NAPSA: variants seen among roughly 807,000 people sequenced by gnomAD.
NAPSA encodes napsin A aspartic peptidase.
A neutral mutation model predicts 36.7 loss-of-function variants in NAPSA; 37 were observed. That is an observed-to-expected ratio of 1.01 (90% CI 0.78 to 1.33). The LOEUF (loss-of-function observed/expected upper bound fraction) is 1.33. NAPSA is among the 40% of genes most tolerant of loss of function. The pLI is 0.00. For missense variants in NAPSA, 532 were observed against 543.8 expected (o/e 0.98, Z 0.21); for synonymous variants, 222 against 234.5 (o/e 0.95, Z 0.49).
In NAPSA at chr19:50,359,817, C is replaced by T. The variant is rs115708794; in HGVS notation, c.714G>A (p.Ser238=). The change falls in exon 6 of 9, where the codon TCG becomes TCA. Residue 238 remains serine (S), a synonymous_variant. Coordinates refer to ENST00000253719, the MANE Select transcript of NAPSA (RefSeq NM_004851.3). ...GGGGTGGGATGTAGTGTGCCGGGTC[C>T]GAGCCCCCCAGGACCAGCTCTCCTC... ...PDGGELVLGG[S]DPAHYIPPLT... The T allele has an allele frequency of 1.3e-3, 2,096 of 1,614,192 alleles. 23 individuals are homozygous for T. In the African/African-American group the frequency reaches 0.024, roughly 19 times the overall value.
chr19:50,359,722 G>A lies in NAPSA; in HGVS notation c.791+18C>T, dbSNP rs781730739. ...CCCCCAGCCTCCAGCTCCAGAGCCA[G>A]GAGACCAAGTCCCTCACCGCTCCAT... On this transcript the variant is annotated intron_variant, in intron 6 of 8. Coordinates refer to ENST00000253719, the MANE Select transcript of NAPSA (RefSeq NM_004851.3). The A allele has an allele frequency of 6.2e-7, 1 of 1,614,256 alleles. No individual in the cohort carries two copies. The highest frequency in any genetic ancestry group is 8.5e-7 in the Non-Finnish European group (1 of 1,180,056).
Position 50,359,106 on chromosome 19 carries a change from T to G in NAPSA, c.940A>C (p.Ile314Leu). The part of the protein sequence containing the change: ...GGIPLLAGEY[I>L]ILCSEIPKLP... ...TTTGGGATTTCCGAGCACAGGATGATGTACTGGGGGAGAAGAGGAACTAGT... is the reference window on the plus strand; with the variant it reads ...TTTGGGATTTCCGAGCACAGGATGAGGTACTGGGGGAGAAGAGGAACTAGT... Residue 314 changes from isoleucine to leucine, a missense_variant, in exon 8 of 9, where the codon ATC becomes CTC. Physicochemically the swap from Ile to Leu is conservative, Grantham distance 5. This residue lies in a region of NAPSA where 385 missense variants were observed against 371.5 expected (regional missense o/e 1.04). Coordinates refer to ENST00000253719, the MANE Select transcript of NAPSA (RefSeq NM_004851.3). 1 of 1,612,344 alleles carries G rather than the reference T, an allele frequency of 6.2e-7. No homozygotes were observed. The highest frequency in any genetic ancestry group is 8.5e-7 in the Non-Finnish European group (1 of 1,178,576).
chr19:50,368,861 A>G (rs11879501), upstream of NAPSA, among the ~76,000 whole-genome samples: 52,317 of 152,124 alleles, frequency 0.34, 9,232 homozygotes, highest in Admixed American at 0.41. Flanking sequence ...CCGCCCTAGC[A>G]GTTCCCACCG....
chr19:50,361,134 C>T lies in NAPSA; in HGVS notation c.475G>A (p.Gly159Arg), dbSNP rs1440994913. 1 of 1,612,936 alleles carries T rather than the reference C, an allele frequency of 6.2e-7. No individual in the cohort carries two copies. The highest frequency in any genetic ancestry group is 8.5e-7 in the Non-Finnish European group (1 of 1,179,308). ...ILSEDKLTIGGIKGASVIFGE... is the reference protein window; with the variant it reads ...ILSEDKLTIGRIKGASVIFGE... ...AAAATCACTGATGCACCCTTGATTCCACCAATCTAGGGGTAGATTGAGATG... is the reference window on the plus strand; with the variant it reads ...AAAATCACTGATGCACCCTTGATTCTACCAATCTAGGGGTAGATTGAGATG... The change falls in exon 5 of 9, where the codon GGA becomes AGA. Residue 159 changes from glycine to arginine, a missense_variant. This residue lies in a region of NAPSA where 385 missense variants were observed against 371.5 expected (regional missense o/e 1.04). Coordinates refer to ENST00000253719, the MANE Select transcript of NAPSA (RefSeq NM_004851.3).
At position 50,361,117 on chromosome 19, in the gene NAPSA, T is replaced by C. The variant is rs759684674; in HGVS notation, c.492A>G (p.Ser164=). The C allele has an allele frequency of 1.2e-6, 2 of 1,613,936 alleles. No individual in the cohort carries two copies. The highest frequency in any genetic ancestry group is 3.3e-5 in the Admixed American group (2 of 60,022). The change falls in exon 5 of 9, where the codon TCA becomes TCG. Residue 164 remains serine, a synonymous_variant. Transcript: ENST00000253719. ...KLTIGGIKGA[S]VIFGEALWEP... is the part of the protein sequence containing the mutation. ...CCCAGAGAGCCTCCCCGAAAATCAC[T>C]GATGCACCCTTGATTCCACCAATCT...
intron 1 of NAPSA, among the ~76,000 whole-genome samples, chr19:50,365,014 TAA>T (rs2037528168): frequency 8.3e-6 from 1 of 120,598 alleles, no homozygotes; most frequent in South Asian, 2.3e-4. Flanking sequence ...TAATAATAAA[TAA>T]TAATAATAAT....
At chr19:50,363,726 G>A (rs1159829263) in intron 1 of NAPSA, among the ~76,000 whole-genome samples, 2 of 151,942 alleles carry the variant, frequency 1.3e-5, no homozygotes, top group Non-Finnish European at 2.9e-5. Context: ...ACCACACTGA[G>A]CTAATTTTTG....
At chr19:50,367,578 C>G (rs953475664), upstream of NAPSA, among the ~76,000 whole-genome samples, 3 of 148,426 alleles carry the variant, frequency 2.0e-5, no homozygotes, top group South Asian at 6.5e-4. Flanking sequence ...CTCTCTCTCT[C>G]TCTGTCTCTG....
At chr19:50,365,252 T>C (rs1366375473) in intron 1 of NAPSA, among the ~76,000 whole-genome samples, 1 of 151,910 alleles carries the variant, frequency 6.6e-6, no homozygotes, top group Admixed American at 6.6e-5. Context: ...GAGAATCGCT[T>C]GAACCCAGGA....
chr19:50,360,997 A>C lies in NAPSA; in HGVS notation c.612T>G (p.Asp204Glu), dbSNP rs745476472. ...CCAATAGCCCCTGCTCCACCAGTACATCCATCGGGGGCCGAACTCCTTCCA... is the reference window on the plus strand; with the variant it reads ...CCAATAGCCCCTGCTCCACCAGTACCTCCATCGGGGGCCGAACTCCTTCCA... ...LSVEGVRPPM[D>E]VLVEQGLLDK... Residue 204 changes from aspartate (D) to glutamate (E), a missense_variant, in exon 5 of 9, where the codon GAT becomes GAG. Physicochemically the swap from Asp to Glu is conservative, Grantham distance 45 (BLOSUM62 2). This residue lies in a region of NAPSA where 385 missense variants were observed against 371.5 expected (regional missense o/e 1.04). Transcript: ENST00000253719. The C allele has an allele frequency of 9.3e-6, 15 of 1,614,154 alleles. No homozygotes were observed. Among genetic ancestry groups the C allele is most frequent in the Admixed American group, 1.7e-5 (1 of 60,016 alleles).
In NAPSA at chr19:50,358,632, C is replaced by G. The variant is rs368271566; in HGVS notation, c.1184G>C (p.Arg395Pro). ...AGTGCGAGCGCGCGCCAGGCCCACC[C>G]GGGCGCTGCTCTTCATGTCCCCGCG... ...FDRGDMKSSA[R>P]VGLARARTRG... Residue 395 changes from arginine (R) to proline (P), a missense_variant, in exon 9 of 9, where the codon CGG (arginine) becomes CCG (proline). By Grantham distance (103) the Arg-to-Pro change is moderately radical. Around this residue, in one of 3 missense-constraint regions of NAPSA, gnomAD observed 385 missense variants for 371.5 expected, o/e 1.04. Coordinates refer to ENST00000253719, the MANE Select transcript of NAPSA (RefSeq NM_004851.3). The G allele has an allele frequency of 6.2e-7, 1 of 1,612,808 alleles. No individual in the cohort carries two copies. The highest frequency in any genetic ancestry group is 8.5e-7 in the Non-Finnish European group (1 of 1,179,856).
chr19:50,363,375 T>C (rs2037502016), intron 1 of NAPSA, among the ~76,000 whole-genome samples: 1 of 151,936 alleles, frequency 6.6e-6, no homozygotes, highest in Admixed American at 6.6e-5. Context: ...TGGATTTCTT[T>C]TTCTTCTTTT....
In NAPSA at chr19:50,358,635, G is replaced by A. The variant is rs1025519793; in HGVS notation, c.1181C>T (p.Ala394Val). The change falls in exon 9 of 9, where the codon GCC becomes GTC. Residue 394 changes from alanine to valine, a missense_variant. Physicochemically the swap from Ala to Val is moderately conservative, Grantham distance 64. Around this residue, in one of 3 missense-constraint regions of NAPSA, gnomAD observed 385 missense variants for 371.5 expected, o/e 1.04. Coordinates refer to ENST00000253719, the MANE Select transcript of NAPSA (RefSeq NM_004851.3). ...GCGAGCGCGCGCCAGGCCCACCCGGGCGCTGCTCTTCATGTCCCCGCGGTC... is the reference window on the plus strand; with the variant it reads ...GCGAGCGCGCGCCAGGCCCACCCGGACGCTGCTCTTCATGTCCCCGCGGTC... ...VFDRGDMKSS[A>V]RVGLARARTR... 28 of 1,612,774 alleles carry A rather than the reference G, an allele frequency of 1.7e-5. 1 individual carries two copies. The Middle Eastern group carries it at 4.9e-4, about 28-fold the overall frequency.
chr19:50,361,816 G>C (rs2037478328), intron 3 of NAPSA, 35 bp from the exon 4 acceptor site: 1 of 1,589,798 alleles, frequency 6.3e-7, no homozygotes, highest in Non-Finnish European at 8.6e-7. Context: ...CATGGGGGAG[G>C]GAATCTCCCC....
At chr19:50,368,275 C>T (rs1023590305), upstream of NAPSA, among the ~76,000 whole-genome samples, 15 of 151,618 alleles carry the variant, frequency 9.9e-5, no homozygotes, top group African/African-American at 3.4e-4. Context: ...GGATCGCTTG[C>T]GCCTGGGAGT....
upstream of NAPSA, among the ~76,000 whole-genome samples, chr19:50,368,356 A>G: frequency 6.6e-6 from 1 of 151,500 alleles, no homozygotes; most frequent in Non-Finnish European, 1.5e-5. Flanking sequence ...TCTGGGCGTA[A>G]TGGCACACTC....
At chr19:50,359,903 C>T (rs2037450988) in intron 5 of NAPSA, 41 bp from the exon 6 acceptor site, 1 of 1,590,954 alleles carries the variant, frequency 6.3e-7, no homozygotes, top group Non-Finnish European at 8.6e-7. Context: ...GTCAGTGTCA[C>T]TGGCCCTCCC....
At chr19:50,368,847 G>C (rs2037581418), upstream of NAPSA, among the ~76,000 whole-genome samples, 1 of 152,212 alleles carries the variant, frequency 6.6e-6, no homozygotes, top group East Asian at 1.9e-4. Context: ...CAGCTTTCCT[G>C]CTTCCGCCCT....
intron 1 of NAPSA, chr19:50,362,768 C>T (rs1272965894): frequency 6.5e-6 from 1 of 153,296 alleles, no homozygotes; most frequent in Non-Finnish European, 1.5e-5. Flanking sequence ...AAACTCCTGG[C>T]CTCAGCCTCC....
Sources: allele counts gnomAD v4.1 joint callset (sites outside exome capture counted in the v4.1 genomes callset), GRCh38; gene constraint gnomAD v4.1.1; regional missense constraint gnomAD v4.1.1; transcripts MANE v1.5; gene names NCBI Gene and HGNC (gene_info 2026-07-23, HGNC 2026-07-21).